The following ZNF385D variants were observed in gnomAD, a reference collection of about 807,000 sequenced individuals.
The protein encoded by ZNF385D is zinc finger protein 385D.
Under a neutral mutation model 35.8 loss-of-function variants are expected in ZNF385D, and 15 were observed. The observed-to-expected ratio is 0.42, with a 90% CI of 0.28 to 0.64. The LOEUF (loss-of-function observed/expected upper bound fraction) is 0.64, where lower values mean the gene tolerates loss of function less well. ZNF385D is among the 30% of genes least tolerant of loss of function. ZNF385D has a pLI of 0.23. For synonymous variants in ZNF385D, 212 were observed against 186.8 expected (o/e 1.13, Z -1.10); for missense variants, 474 against 494.6 (o/e 0.96, Z 0.39).
chr3:22,303,304 A>C (rs1703011664), intron 2 of ZNF385D, among the ~76,000 whole-genome samples: 1 of 152,148 alleles, frequency 6.6e-6, no homozygotes, highest in African/African-American at 2.4e-5. Context: ...CCCATCTTGC[A>C]CATAGGCTGG....
At chr3:21,800,771 G>GT (rs1376778570) in intron 3 of ZNF385D, among the ~76,000 whole-genome samples, 4 of 151,926 alleles carry the variant, frequency 2.6e-5, no homozygotes, top group Non-Finnish European at 5.9e-5. Context: ...GGCTCTAAGA[G>GT]TTTTTTTGTG....
At chr3:22,033,556 T>C (rs1394457317) in intron 3 of ZNF385D, among the ~76,000 whole-genome samples, 1 of 152,002 alleles carries the variant, frequency 6.6e-6, no homozygotes, top group African/African-American at 2.4e-5. Context: ...TATGAGTATG[T>C]CACAGAAGGA....
rs149959521 is a variant in ZNF385D at position 22,217,471 on chromosome 3, A to G, written c.107-48436T>C. Among the ~76,000 whole-genome samples, 610 of 152,276 alleles carry G rather than the reference A, an allele frequency of 4.0e-3. 19 individuals carry two copies. The highest frequency in any genetic ancestry group is 0.036 in the Admixed American group (557 of 15,272). ...TTAATACAGAGGTGCACTTCACTCC[A>G]GTATGACCTCTTAACGAATTACCTC... is the stretch of plus-strand genomic sequence containing the variant. On this transcript the variant is annotated intron_variant, in intron 2 of 5. Coordinates refer to the ZNF385D transcript ENST00000494108.
At chr3:21,787,787 G>A (rs977687374) in intron 3 of ZNF385D, among the ~76,000 whole-genome samples, 9 of 152,038 alleles carry the variant, frequency 5.9e-5, no homozygotes, top group African/African-American at 2.2e-4. Context: ...GAGAGGCAAT[G>A]TTAGGGGAAG....
rs116177752 is a variant in ZNF385D at position 21,448,662 on chromosome 3, C to G, written c.440-11459G>C. 4.1e-4 allele frequency among the ~76,000 whole-genome samples: 63 copies of G among 152,210 alleles called. 1 individual carries two copies. In the South Asian group the frequency reaches 0.013, roughly 31 times the overall value. On this transcript the variant is annotated intron_variant, in intron 4 of 7. Transcript: ENST00000281523. ...TGTTAGAACTGTTTGGAAAATAATACGATACAATTCTGGAACAAATGTGTC... is the reference window on the plus strand; with the variant it reads ...TGTTAGAACTGTTTGGAAAATAATAGGATACAATTCTGGAACAAATGTGTC...
At chr3:22,151,370 C>G (rs1381459992) in intron 3 of ZNF385D, among the ~76,000 whole-genome samples, 1 of 151,980 alleles carries the variant, frequency 6.6e-6, no homozygotes, top group African/African-American at 2.4e-5. Flanking sequence ...TATTAAATAC[C>G]CACAAGAAAG....
intron 2 of ZNF385D, among the ~76,000 whole-genome samples, chr3:22,270,296 T>C (rs748090808): frequency 6.6e-6 from 1 of 151,986 alleles, no homozygotes; most frequent in Non-Finnish European, 1.5e-5. Context: ...AACCAGGGGC[T>C]TTAGGACAGT....
intron 2 of ZNF385D, among the ~76,000 whole-genome samples, chr3:22,177,545 T>G (rs1456428127): frequency 6.6e-6 from 1 of 152,218 alleles, no homozygotes; most frequent in African/African-American, 2.4e-5. Context: ...CTGTGAAGTT[T>G]GAGAAGAGAG....
chr3:21,953,929 G>A (rs1319820877), intron 3 of ZNF385D, among the ~76,000 whole-genome samples: 2 of 152,014 alleles, frequency 1.3e-5, no homozygotes, highest in Non-Finnish European at 2.9e-5. Context: ...TTTAAAATGA[G>A]ATCCCTTCCA....
At chr3:21,793,687 T>C (rs913793130) in intron 3 of ZNF385D, among the ~76,000 whole-genome samples, 13 of 152,282 alleles carry the variant, frequency 8.5e-5, no homozygotes, top group African/African-American at 3.1e-4. Context: ...AAAACAAACA[T>C]TAGATTTTAG....
upstream of ZNF385D, among the ~76,000 whole-genome samples, chr3:21,756,024 C>A (rs1162518546): frequency 6.6e-6 from 1 of 152,138 alleles, no homozygotes; most frequent in Non-Finnish European, 1.5e-5. Context: ...ATTAGAAATA[C>A]TTTGACTTTT....
intron 3 of ZNF385D, among the ~76,000 whole-genome samples, chr3:21,807,792 G>C (rs1232045668): frequency 1.3e-5 from 2 of 152,086 alleles, no homozygotes; most frequent in East Asian, 3.9e-4. Flanking sequence ...CTTCAAATAT[G>C]GCAGGATTTG....
At chr3:22,141,254 G>A (rs1030233365) in intron 3 of ZNF385D, among the ~76,000 whole-genome samples, 8 of 151,720 alleles carry the variant, frequency 5.3e-5, no homozygotes, top group Non-Finnish European at 1.2e-4. Flanking sequence ...GCACAGCATT[G>A]TTCCCAATGC....
At chr3:21,600,546 C>G (rs1467490028) in intron 2 of ZNF385D, among the ~76,000 whole-genome samples, 1 of 152,156 alleles carries the variant, frequency 6.6e-6, no homozygotes, top group African/African-American at 2.4e-5. Context: ...CTCCATATTG[C>G]TGATTCTGCC....
At chr3:22,129,487 T>G (rs1703646810) in intron 3 of ZNF385D, among the ~76,000 whole-genome samples, 1 of 151,872 alleles carries the variant, frequency 6.6e-6, no homozygotes, top group Non-Finnish European at 1.5e-5. Context: ...TCAGGGACTT[T>G]AGGAATTGGC....
chr3:21,947,481 G>A (rs1306222971), intron 3 of ZNF385D, among the ~76,000 whole-genome samples: 3 of 151,954 alleles, frequency 2.0e-5, no homozygotes, highest in African/African-American at 7.3e-5. Context: ...CTCCTGAGTC[G>A]CTGGGATTAC....
At chr3:21,602,515 TTC>T (rs1244235602) in intron 2 of ZNF385D, among the ~76,000 whole-genome samples, 52 of 75,472 alleles carry the variant, frequency 6.9e-4, no homozygotes, top group African/African-American at 1.4e-3. Flanking sequence ...TCCCTGCATT[TTC>T]TTTTTTTTTT....
chr3:22,105,003 T>G (rs1247770014), intron 3 of ZNF385D, among the ~76,000 whole-genome samples: 1 of 152,116 alleles, frequency 6.6e-6, no homozygotes, highest in Non-Finnish European at 1.5e-5. Context: ...TGAAAGGAGT[T>G]TAGAAGATTA....
rs148217776 is a variant in ZNF385D, at chr3:21,820,996, C to T, written c.326-155968G>A. Among the ~76,000 whole-genome samples, 8 of 151,594 alleles carry T rather than the reference C, an allele frequency of 5.3e-5. No homozygotes were observed. The East Asian group carries it at 1.4e-3, about 26-fold the overall frequency. ...AAAACCGATTAAAAAAATTAAAACC[C>T]TCAATAATCCTGCAAGAATACACTA... On this transcript the variant is annotated intron_variant, in intron 3 of 5. Transcript: ENST00000494108.
Sources: allele counts gnomAD v4.1 joint callset (sites outside exome capture counted in the v4.1 genomes callset), GRCh38; gene constraint gnomAD v4.1.1; transcripts MANE v1.5; gene names NCBI Gene and HGNC (gene_info 2026-07-23, HGNC 2026-07-21).